METAP1: variants seen among roughly 807,000 people sequenced by gnomAD.
METAP1 encodes the protein methionyl aminopeptidase 1.
In METAP1, 28 loss-of-function variants were observed where a neutral mutation model predicts 53.8. That is an observed-to-expected ratio of 0.52 (90% CI 0.39 to 0.71). METAP1 has a LOEUF of 0.71. Among genes scored for constraint, METAP1 ranks in the 30% least tolerant of loss-of-function variants. The pLI, the probability that METAP1 is intolerant of heterozygous loss-of-function variation, is 0.00. For synonymous variants in METAP1, 181 were observed against 165.7 expected (o/e 1.09, Z -0.71); for missense variants, 389 against 479.8 (o/e 0.81, Z 1.77).
intron 6 of METAP1, 90 bp from the exon 7 acceptor site, chr4:99,043,159 A>G: frequency 1.0e-6 from 1 of 963,486 alleles, no homozygotes; most frequent in Non-Finnish European, 1.5e-6. Context: ...CATGTGTCCA[A>G]CTGTTTTCAC....
At chr4:99,020,245 G>A (rs186107961) in intron 1 of METAP1, among the ~76,000 whole-genome samples, 139 of 152,186 alleles carry the variant, frequency 9.1e-4, no homozygotes, top group Non-Finnish European at 1.4e-3. Context: ...ACTCTCTCTG[G>A]GTCATCTAGC....
In METAP1 at chr4:99,049,977, G is replaced by C. The variant is rs141470784; in HGVS notation, c.931+1101G>C. ...CTGTGCTTACAGAGGTAATTGGCTT[G>C]CTCAAGGTCACACAAACTAGTAATT... On this transcript the variant is annotated intron_variant, in intron 9 of 10. Transcript: ENST00000296411. Among the ~76,000 whole-genome samples, 523 of 152,296 alleles carry C rather than the reference G, an allele frequency of 3.4e-3. 11 individuals carry two copies. The highest frequency in any genetic ancestry group is 0.029 in the Admixed American group (451 of 15,290).
intron 1 of METAP1, among the ~76,000 whole-genome samples, chr4:99,017,641 ATCTCTT>A (rs1723849978): frequency 6.6e-6 from 1 of 152,250 alleles, no homozygotes; most frequent in Non-Finnish European, 1.5e-5. Flanking sequence ...TAGTTAGATA[ATCTCTT>A]TCTAATAGGA....
chr4:99,061,072 T>G, intron 10 of METAP1, 82 bp from the exon 11 acceptor site: 2 of 1,435,514 alleles, frequency 1.4e-6, no homozygotes. Context: ...ATCTTAGTAG[T>G]GAATTTTTTC....
chr4:99,044,374 G>A (rs930218872), intron 7 of METAP1, among the ~76,000 whole-genome samples: 8 of 152,306 alleles, frequency 5.3e-5, no homozygotes, highest in African/African-American at 1.7e-4. Context: ...AATGATAGCC[G>A]AAATTTAACT....
intron 1 of METAP1, chr4:99,026,251 T>G (rs555132249): frequency 1.0e-6 from 1 of 985,338 alleles, no homozygotes; most frequent in East Asian, 1.1e-4. Context: ...AAAAGCATGT[T>G]GTCTTGGATT....
intron 1 of METAP1, among the ~76,000 whole-genome samples, chr4:99,021,152 T>G (rs908947218): frequency 6.6e-6 from 1 of 152,164 alleles, no homozygotes; most frequent in Non-Finnish European, 1.5e-5. Context: ...GGAGATAACT[T>G]TCTCCCCTCT....
chr4:99,003,745 C>T (rs1332010570), intron 1 of METAP1, among the ~76,000 whole-genome samples: 1 of 152,180 alleles, frequency 6.6e-6, no homozygotes, highest in Non-Finnish European at 1.5e-5. Context: ...CCACAACAGT[C>T]ATCAACACAG....
chr4:99,048,730 C>T lies in METAP1; in HGVS notation c.788-3C>T, dbSNP rs140694777. Reference sequence around the variant, plus strand: ...TATCATGAATTTTCTTTTTTCCTTTCAGTGAAGCCTGGTGTTCGGTACAGA... The same window carrying T: ...TATCATGAATTTTCTTTTTTCCTTTTAGTGAAGCCTGGTGTTCGGTACAGA... On this transcript the variant is annotated splice_region_variant and splice_polypyrimidine_tract_variant and intron_variant, in intron 8 of 10. Coordinates refer to ENST00000296411, the MANE Select transcript of METAP1 (RefSeq NM_015143.3). 2.5e-6 allele frequency: 4 copies of T among 1,609,974 alleles called. No individual in the cohort carries two copies. Among genetic ancestry groups the T allele is most frequent in the Admixed American group, 1.7e-5 (1 of 58,874 alleles).
intron 8 of METAP1, among the ~76,000 whole-genome samples, chr4:99,045,625 A>T (rs912318196): frequency 6.6e-6 from 1 of 152,194 alleles, no homozygotes; most frequent in Non-Finnish European, 1.5e-5. Flanking sequence ...TTTCCAGTAC[A>T]TAAATATTAT....
rs539486645 is a variant in METAP1 at position 99,062,026 on chromosome 4, A to T, written c.*709A>T. 2.0e-5 allele frequency: 3 copies of T among 152,354 alleles called. No homozygotes were observed. The highest frequency in any genetic ancestry group is 4.8e-5 in the African/African-American group (2 of 41,588). 9.4% of individuals were successfully genotyped at this position (152,354 alleles called of 1,614,324 possible). A position where few individuals can be genotyped will look rare whatever the true frequency, so the allele number is the denominator to read the frequency against. On this transcript the variant is annotated 3_prime_UTR_variant, in exon 11 of 11. Coordinates refer to ENST00000296411, the MANE Select transcript of METAP1 (RefSeq NM_015143.3). Reference sequence around the variant, plus strand: ...TATCAGGCTTTTAAAAATCTAGTTTATGGCAAAAATAGCCATTTTCCAAGT... The same window carrying T: ...TATCAGGCTTTTAAAAATCTAGTTTTTGGCAAAAATAGCCATTTTCCAAGT...
At chr4:99,001,667 ATTTCT>A (rs1438569565) in intron 1 of METAP1, among the ~76,000 whole-genome samples, 2 of 152,164 alleles carry the variant, frequency 1.3e-5, no homozygotes, top group Non-Finnish European at 1.5e-5. Flanking sequence ...GTTGAATTTA[ATTTCT>A]TTTCAATTTT....
intron 1 of METAP1, among the ~76,000 whole-genome samples, chr4:99,003,070 A>T (rs1240973069): frequency 3.9e-5 from 6 of 152,012 alleles, no homozygotes; most frequent in African/African-American, 1.4e-4. Flanking sequence ...CTGTCTCAAA[A>T]ACAAACAAAC....
At chr4:99,012,041 A>T (rs1723497288) in intron 1 of METAP1, among the ~76,000 whole-genome samples, 1 of 152,126 alleles carries the variant, frequency 6.6e-6, no homozygotes, top group African/African-American at 2.4e-5. Context: ...TAGTCTAGCT[A>T]AGGGTTGGCC....
intron 9 of METAP1, among the ~76,000 whole-genome samples, chr4:99,049,543 A>G (rs1479189447): frequency 6.6e-6 from 1 of 152,200 alleles, no homozygotes; most frequent in Non-Finnish European, 1.5e-5. Flanking sequence ...GTGTGATACA[A>G]TAACAAAGAA....
chr4:99,039,957 C>T (rs566163931), intron 5 of METAP1, among the ~76,000 whole-genome samples: 2 of 152,134 alleles, frequency 1.3e-5, no homozygotes, highest in African/African-American at 4.8e-5. Context: ...TAACTCCTGA[C>T]GTAAGGTGAT....
chr4:98,998,853 C>G (rs1197402656), intron 1 of METAP1, among the ~76,000 whole-genome samples: 3 of 151,774 alleles, frequency 2.0e-5, no homozygotes, highest in Non-Finnish European at 4.4e-5. Flanking sequence ...TTTTGTTGCC[C>G]AGGCTGGAGT....
chr4:98,997,865 C>T (rs1722712649), intron 1 of METAP1, among the ~76,000 whole-genome samples: 2 of 152,174 alleles, frequency 1.3e-5, no homozygotes, highest in Non-Finnish European at 2.9e-5. Flanking sequence ...GTTACCACCT[C>T]CTATGGTCAG....
intron 2 of METAP1, chr4:99,031,664 T>C: frequency 9.4e-7 from 1 of 1,060,910 alleles, no homozygotes; most frequent in Non-Finnish European, 1.3e-6. Context: ...CCATGCATAG[T>C]AAGTACTCAA....
Sources: gnomAD v4.1 joint callset for allele counts (sites outside exome capture counted in the v4.1 genomes callset) on GRCh38, gnomAD v4.1.1 for gene constraint, MANE v1.5 for transcripts, NCBI Gene and HGNC (gene_info 2026-07-23, HGNC 2026-07-21) for gene names.